Variants in QPCT observed in about 807,000 individuals in gnomAD.
QPCT encodes the protein glutaminyl-peptide cyclotransferase.
Under a neutral mutation model 43.4 loss-of-function variants are expected in QPCT, and 44 were observed. The observed-to-expected ratio is 1.01, with a 90% confidence interval of 0.80 to 1.30. The LOEUF is 1.30. Among genes scored for constraint, QPCT ranks in the 50% most tolerant of loss-of-function variants. The probability of loss-of-function intolerance (pLI) is 0.00; values close to 1 mark genes in which losing one functional copy is unlikely to be tolerated. For missense variants in QPCT, 526 were observed against 436.5 expected, an observed-to-expected ratio of 1.21 and a Z score of -1.83; for synonymous variants, 168 against 168.4, an observed-to-expected ratio of 1.00 and a Z score of 0.02.
chr2:37,358,263 A>C (rs1003870748), intron 2 of QPCT, among the ~76,000 whole-genome samples: 1 of 152,084 alleles, frequency 6.6e-6, no homozygotes, highest in African/African-American at 2.4e-5. Context: ...AAACCAAAAA[A>C]ACAAAACAAA....
chr2:37,365,477 G>A (rs1672942764), intron 3 of QPCT, among the ~76,000 whole-genome samples: 2 of 152,208 alleles, frequency 1.3e-5, no homozygotes, highest in Admixed American at 6.5e-5. Context: ...AAGTGGGATT[G>A]GAGACAGCGT....
intron 3 of QPCT, 30 bp downstream of exon 3, chr2:37,359,888 G>A: frequency 6.2e-7 from 1 of 1,600,294 alleles, no homozygotes; most frequent in South Asian, 1.1e-5. Flanking sequence ...TGATTCCTAG[G>A]ATAAAGTACA....
chr2:37,349,513 T>G (rs1672575174), intron 1 of QPCT, among the ~76,000 whole-genome samples: 1 of 152,224 alleles, frequency 6.6e-6, no homozygotes, highest in Admixed American at 6.5e-5. Flanking sequence ...CACAAGTGAT[T>G]TCGTTTCACT....
At chr2:37,360,017 A>G in intron 3 of QPCT, 159 bp downstream of exon 3, 5 of 788,252 alleles carry the variant, frequency 6.3e-6, no homozygotes, top group Non-Finnish European at 9.9e-6. Flanking sequence ...ATGATTGGGA[A>G]TATCAACCAT....
intron 3 of QPCT, among the ~76,000 whole-genome samples, chr2:37,365,390 A>T (rs1410356932): frequency 6.6e-6 from 1 of 152,240 alleles, no homozygotes; most frequent in Non-Finnish European, 1.5e-5. Context: ...GGATGTAGCC[A>T]TGTAGAGTCA....
At chr2:37,370,751 A>C (rs556146778) in intron 5 of QPCT, among the ~76,000 whole-genome samples, 4 of 152,306 alleles carry the variant, frequency 2.6e-5, no homozygotes, top group African/African-American at 9.6e-5. Context: ...TCTATGGCTG[A>C]AGAGGGGAGC....
chr2:37,369,561 T>C (rs1291030100), intron 4 of QPCT, 124 bp from the exon 5 acceptor site: 2 of 718,058 alleles, frequency 2.8e-6, no homozygotes, highest in Non-Finnish European at 2.4e-6. Context: ...GGTTCATTCA[T>C]ATAGCTTGCC....
intron 1 of QPCT, among the ~76,000 whole-genome samples, chr2:37,350,747 G>A (rs976150042): frequency 6.6e-6 from 1 of 152,338 alleles, no homozygotes; most frequent in South Asian, 2.1e-4. Context: ...GCATCTCTAA[G>A]TGGCTTTTCC....
rs74216920 is a variant in QPCT, at chr2:37,347,231, CAT to C, written c.120+2394_120+2395del. ...ACATATATATAACATATATATATAA[CAT>C]ATATATATATATAACATATATATAT... On this transcript the variant is annotated intron_variant, in intron 1 of 6. Coordinates refer to ENST00000338415, the MANE Select transcript of QPCT (RefSeq NM_012413.4). Among the ~76,000 whole-genome samples, 32 of 55,598 alleles carry C rather than the reference CAT, an allele frequency of 5.8e-4. 1 individual carries two copies. Among genetic ancestry groups the C allele is most frequent in the Middle Eastern group, 8.6e-3 (1 of 116 alleles). The allele number at this position is 55,598 out of a possible 152,430, so 36.5% of individuals were successfully genotyped here. A position where few individuals can be genotyped will look rare whatever the true frequency, so the allele number is the denominator to read the frequency against.
At chr2:37,354,972 A>AT (rs2124934461) in intron 2 of QPCT, among the ~76,000 whole-genome samples, 1 of 152,384 alleles carries the variant, frequency 6.6e-6, no homozygotes, top group African/African-American at 2.4e-5. Context: ...TCAACAGAAT[A>AT]CAGTATATAG....
At chr2:37,368,776 A>G (rs1363955698) in intron 4 of QPCT, 3 of 443,036 alleles carry the variant, frequency 6.8e-6, no homozygotes, top group African/African-American at 6.1e-5. Context: ...TTATCAGTCC[A>G]AATATATGAA....
Position 37,367,268 on chromosome 2 carries a change from C to A in QPCT, c.583C>A (p.Leu195Met). The A allele has an allele frequency of 6.2e-7, 1 of 1,614,038 alleles. No homozygotes were observed. Among genetic ancestry groups the A allele is most frequent in the Non-Finnish European group, 8.5e-7 (1 of 1,179,950 alleles). ...SDSKPDLSLQLIFFDGEEAFL... is the reference protein window; with the variant it reads ...SDSKPDLSLQMIFFDGEEAFL... ...CTCCAAGCCAGATTTGTCACTCCAG[C>A]TGATCTTCTTTGATGGTGAAGAGGC... is the stretch of plus-strand genomic sequence containing the variant. The change falls in exon 4 of 7, where the codon CTG becomes ATG. Residue 195 changes from leucine (L) to methionine (M), a missense_variant. Transcript: ENST00000338415.
At chr2:37,352,091 TA>T (rs1200105638) in intron 1 of QPCT, among the ~76,000 whole-genome samples, 1 of 151,870 alleles carries the variant, frequency 6.6e-6, no homozygotes. Context: ...GTAGCTACAT[TA>T]AAAAAGTGAA....
chr2:37,353,429 TA>T (rs573547926), intron 2 of QPCT, among the ~76,000 whole-genome samples: 1 of 149,318 alleles, frequency 6.7e-6, no homozygotes, highest in Non-Finnish European at 1.5e-5. Context: ...TGACACAAAG[TA>T]AAAAAAAAAT....
chr2:37,352,266 C>T (rs1672637565), intron 1 of QPCT, among the ~76,000 whole-genome samples: 1 of 151,978 alleles, frequency 6.6e-6, no homozygotes, highest in Admixed American at 6.6e-5. Flanking sequence ...TAAAGTCTTC[C>T]CTGACTACTC....
intron 2 of QPCT, among the ~76,000 whole-genome samples, chr2:37,356,177 G>A (rs553016006): frequency 6.6e-6 from 1 of 152,266 alleles, no homozygotes; most frequent in African/African-American, 2.4e-5. Flanking sequence ...TCATTCACTA[G>A]TGTTAACCTA....
chr2:37,354,419 A>ATCATC (rs756167931), intron 2 of QPCT, among the ~76,000 whole-genome samples: 1 of 152,192 alleles, frequency 6.6e-6, no homozygotes, highest in Non-Finnish European at 1.5e-5. Flanking sequence ...CTTTGCATAG[A>ATCATC]TCATCTCATT....
chr2:37,371,447 A>G (rs1010753411), intron 5 of QPCT, among the ~76,000 whole-genome samples: 7 of 151,520 alleles, frequency 4.6e-5, no homozygotes, highest in African/African-American at 7.3e-5. Flanking sequence ...AAAAAAAAAA[A>G]AAAAAGAAAA....
intron 1 of QPCT, among the ~76,000 whole-genome samples, chr2:37,347,598 C>A (rs765342431): frequency 1.8e-4 from 28 of 152,152 alleles, no homozygotes; most frequent in Non-Finnish European, 4.1e-4. Context: ...TCTTCTGACA[C>A]CCCCTATTTT....
Sources: gnomAD v4.1 joint callset for allele counts (sites outside exome capture counted in the v4.1 genomes callset) on GRCh38, gnomAD v4.1.1 for gene constraint, MANE v1.5 for transcripts, NCBI Gene and HGNC (gene_info 2026-07-23, HGNC 2026-07-21) for gene names.